The following EPS15 variants were observed in gnomAD, a reference collection of about 807,000 sequenced individuals.
EPS15 encodes epidermal growth factor receptor substrate 15.
Under a neutral mutation model 113.8 loss-of-function variants are expected in EPS15, and 72 were observed. That is an observed-to-expected ratio of 0.63 (90% CI 0.52 to 0.77). The LOEUF is 0.77. Ranked by LOEUF, EPS15 falls within the 30% of genes least tolerant of loss-of-function variation. The pLI is 0.00. For missense variants in EPS15, 1,048 were observed against 1,045.8 expected, an observed-to-expected ratio of 1.00 and a Z score of -0.03; for synonymous variants, 344 against 363.4, an observed-to-expected ratio of 0.95 and a Z score of 0.61.
intron 21 of EPS15, among the ~76,000 whole-genome samples, chr1:51,384,302 T>C (rs375282604): frequency 1.5e-3 from 218 of 144,066 alleles, no homozygotes; most frequent in Non-Finnish European, 2.4e-3. Context: ...TTCTTTCTTT[T>C]TTTTTTTTTT....
chr1:51,403,514 G>C lies in EPS15; in HGVS notation c.1696C>G (p.Leu566Val), dbSNP rs187134710. Reference sequence around the variant, plus strand: ...TCATCAGTCACACCAGAAGGCAGTAGTTCAGGACTACTTCTTGCCTACAAA... The same window carrying C: ...TCATCAGTCACACCAGAAGGCAGTACTTCAGGACTACTTCTTGCCTACAAA... Reference protein sequence around the residue: ...QESPARSSPELLPSGVTDENE... With the variant: ...QESPARSSPEVLPSGVTDENE... Residue 566 changes from leucine (L) to valine (V), a missense_variant, in exon 17 of 25, where the codon CTA (leucine) becomes GTA (valine). Physicochemically the swap from Leu to Val is conservative, Grantham distance 32. Transcript: ENST00000371733. 1.3e-6 allele frequency: 2 copies of C among 1,593,678 alleles called. No individual in the cohort carries two copies. The highest frequency in any genetic ancestry group is 2.3e-5 in the East Asian group (1 of 44,194).
chr1:51,373,047 G>A (rs12122079), intron 21 of EPS15: 24,660 of 221,310 alleles, frequency 0.11, 1,805 homozygotes, highest in South Asian at 0.22. Flanking sequence ...CTGCCTCCCT[G>A]ACACATTCCA....
chr1:51,442,695 T>A (rs1055211041), intron 11 of EPS15, among the ~76,000 whole-genome samples: 18 of 152,256 alleles, frequency 1.2e-4, no homozygotes, highest in Admixed American at 9.2e-4. Flanking sequence ...AAGTGACATG[T>A]GACAAAAGCA....
At chr1:51,505,847 A>G (rs1032058971) in intron 1 of EPS15, among the ~76,000 whole-genome samples, 2 of 151,668 alleles carry the variant, frequency 1.3e-5, no homozygotes, top group African/African-American at 4.8e-5. Flanking sequence ...GCTGGAGTGC[A>G]ATGGCGCAAT....
At chr1:51,374,708 C>T (rs1185380940) in intron 21 of EPS15, among the ~76,000 whole-genome samples, 1 of 152,168 alleles carries the variant, frequency 6.6e-6, no homozygotes, top group Non-Finnish European at 1.5e-5. Flanking sequence ...GAAGCAAATG[C>T]TAACAAGATC....
In EPS15 at chr1:51,470,562, G is replaced by A. The variant is rs148114889; in HGVS notation, c.213+1128C>T. Among the ~76,000 whole-genome samples, 847 of 148,390 alleles carry A rather than the reference G, an allele frequency of 5.7e-3. 8 individuals are homozygous for A. Among genetic ancestry groups the A allele is most frequent in the African/African-American group, 0.02 (813 of 40,324 alleles). ...CTCCAGAGGCTGAGATGGGAGAATT[G>A]CTTGAATCCCGGAGGCAGAGGTTGC... On this transcript the variant is annotated intron_variant, in intron 4 of 24. Transcript: ENST00000371733.
At chr1:51,384,280 TTTTC>T in intron 21 of EPS15, among the ~76,000 whole-genome samples, 1 of 148,206 alleles carries the variant, frequency 6.7e-6, no homozygotes, top group Non-Finnish European at 1.5e-5. Context: ...AAAGCAGTCT[TTTTC>T]TTTTTCTTTC....
At position 51,355,060 on chromosome 1, in the gene EPS15, T is replaced by C. The variant is rs190444775; in HGVS notation, c.*1640A>G. The C allele has an allele frequency of 2.9e-4, 64 of 222,146 alleles. No individual in the cohort carries two copies. Among genetic ancestry groups the C allele is most frequent in the African/African-American group, 1.3e-3 (57 of 44,832 alleles). The allele number at this position is 222,146 out of a possible 1,614,324, so 13.8% of individuals were successfully genotyped here. On this transcript the variant is annotated 3_prime_UTR_variant, in exon 25 of 25. Transcript: ENST00000371733. Reference sequence around the variant, plus strand: ...TGGATTCGTTTATCAAAATTAAGCCTTGTGATTATGATTCAGCCCTTGCTT... The same window carrying C: ...TGGATTCGTTTATCAAAATTAAGCCCTGTGATTATGATTCAGCCCTTGCTT...
At chr1:51,401,498 CTG>C (rs1467706966) in intron 18 of EPS15, among the ~76,000 whole-genome samples, 1 of 152,196 alleles carries the variant, frequency 6.6e-6, no homozygotes, top group Non-Finnish European at 1.5e-5. Context: ...AAAGATCTAA[CTG>C]TAACAGCAAA....
chr1:51,365,504 T>C (rs978496407), intron 22 of EPS15, among the ~76,000 whole-genome samples: 1 of 152,172 alleles, frequency 6.6e-6, no homozygotes, highest in Non-Finnish European at 1.5e-5. Context: ...GGAAAGTAAA[T>C]AGTGGACATT....
chr1:51,387,162 G>A (rs377647043), intron 21 of EPS15, among the ~76,000 whole-genome samples: 2 of 152,058 alleles, frequency 1.3e-5, no homozygotes, highest in Non-Finnish European at 2.9e-5. Flanking sequence ...GGGGGCCAAT[G>A]TTCAACATTC....
intron 7 of EPS15, 118 bp downstream of exon 7, chr1:51,463,555 G>T: frequency 3.6e-6 from 2 of 550,922 alleles, no homozygotes; most frequent in Non-Finnish European, 6.0e-6. Context: ...ATCCTATAAT[G>T]ATACAACTTT....
chr1:51,405,748 T>TA (rs1470028165), intron 16 of EPS15, among the ~76,000 whole-genome samples, 157 bp downstream of exon 16: 3 of 142,332 alleles, frequency 2.1e-5, no homozygotes, highest in Non-Finnish European at 3.0e-5. Context: ...AGTTAAAACG[T>TA]ACAATTGTTT....
chr1:51,392,862 G>A (rs117641340), intron 21 of EPS15, among the ~76,000 whole-genome samples: 7 of 152,206 alleles, frequency 4.6e-5, no homozygotes, highest in East Asian at 1.9e-4. Flanking sequence ...AATCATAAAC[G>A]TATTAACCTT....
At chr1:51,508,306 GAGAGA>G (rs1644547895) in intron 1 of EPS15, among the ~76,000 whole-genome samples, 3 of 132,802 alleles carry the variant, frequency 2.3e-5, no homozygotes, top group African/African-American at 9.5e-5. Context: ...GAGAGAGAAA[GAGAGA>G]AAGAGAGAAA....
intron 1 of EPS15, among the ~76,000 whole-genome samples, chr1:51,508,356 G>A (rs1311064917): frequency 1.4e-5 from 2 of 141,198 alleles, no homozygotes; most frequent in East Asian, 3.9e-4. Flanking sequence ...AAGAAAGAAA[G>A]AAAGAAAGAA....
chr1:51,419,014 A>T (rs909426365), intron 13 of EPS15, among the ~76,000 whole-genome samples: 2 of 152,168 alleles, frequency 1.3e-5, no homozygotes, highest in Non-Finnish European at 2.9e-5. Flanking sequence ...GAAGAAAAAA[A>T]TTTTTAATAA....
intron 12 of EPS15, 122 bp from the exon 13 acceptor site, chr1:51,421,980 G>A: frequency 7.1e-7 from 1 of 1,413,048 alleles, no homozygotes; most frequent in Non-Finnish European, 9.4e-7. Context: ...ATTTTTAAAT[G>A]AAGGGCAGAT....
chr1:51,469,528 A>AT, intron 4 of EPS15, among the ~76,000 whole-genome samples: 1 of 151,940 alleles, frequency 6.6e-6, no homozygotes, highest in East Asian at 1.9e-4. Flanking sequence ...CATAGACATG[A>AT]TAACAAAAGC....
Sources: gnomAD v4.1 joint callset for allele counts (sites outside exome capture counted in the v4.1 genomes callset) on GRCh38, gnomAD v4.1.1 for gene constraint, MANE v1.5 for transcripts, NCBI Gene and HGNC (gene_info 2026-07-23, HGNC 2026-07-21) for gene names.